Variants in RABGAP1L observed in about 807,000 individuals in gnomAD.
RABGAP1L encodes RAB GTPase activating protein 1 like.
A neutral mutation model predicts 137.7 loss-of-function variants in RABGAP1L; 63 were observed. The observed-to-expected ratio is 0.46, with a 90% confidence interval of 0.37 to 0.56. The LOEUF is 0.56. Among genes scored for constraint, RABGAP1L ranks in the 20% least tolerant of loss-of-function variants. The probability of loss-of-function intolerance (pLI) is 0.00; values close to 1 mark genes in which losing one functional copy is unlikely to be tolerated. For synonymous variants in RABGAP1L, 431 were observed against 433.7 expected (o/e 0.99, Z 0.08); for missense variants, 1,095 against 1,244.0 (o/e 0.88, Z 1.80).
intron 17 of RABGAP1L, among the ~76,000 whole-genome samples, chr1:174,748,593 G>A (rs1309484983): frequency 3.3e-5 from 5 of 152,082 alleles, no homozygotes; most frequent in Admixed American, 6.6e-5. Flanking sequence ...ATCCATGGCC[G>A]AGCACAGTGG....
intron 18 of RABGAP1L, among the ~76,000 whole-genome samples, chr1:174,765,640 C>T (rs990336717): frequency 6.6e-6 from 1 of 151,966 alleles, no homozygotes; most frequent in Non-Finnish European, 1.5e-5. Context: ...CTATGTTGCC[C>T]AGGCTGAGCT....
intron 17 of RABGAP1L, among the ~76,000 whole-genome samples, chr1:174,744,090 T>TAAAAAAAAAA (rs10694829): frequency 4.4e-5 from 2 of 45,132 alleles, no homozygotes; most frequent in South Asian, 1.3e-3. Context: ...GTGAAATACG[T>TAAAAAAAAAA]AAAAAAAAAA....
intron 17 of RABGAP1L, among the ~76,000 whole-genome samples, chr1:174,715,993 A>G (rs954673763): frequency 5.9e-5 from 9 of 152,262 alleles, no homozygotes; most frequent in African/African-American, 2.2e-4. Context: ...AGTTCCCTGT[A>G]TAAAATGGCA....
intron 17 of RABGAP1L, among the ~76,000 whole-genome samples, chr1:174,708,616 A>C (rs1218770488): frequency 1.3e-5 from 2 of 152,174 alleles, no homozygotes; most frequent in Non-Finnish European, 2.9e-5. Flanking sequence ...TCCAGCCCAG[A>C]TACTACACTT....
chr1:174,250,525 A>T lies in RABGAP1L; in HGVS notation c.768A>T (p.Arg256Ser), dbSNP rs779270087. 1.2e-6 allele frequency: 2 copies of T among 1,613,664 alleles called. No homozygotes were observed. The highest frequency in any genetic ancestry group is 2.2e-5 in the East Asian group (1 of 44,870). Residue 256 changes from arginine to serine, a missense_variant, in exon 6 of 26, where the codon AGA becomes AGT. Arg to Ser is a moderately radical substitution (Grantham distance 110). Around this residue, in one of 4 missense-constraint regions of RABGAP1L, gnomAD observed 356 missense variants for 326.3 expected, o/e 1.09. Transcript: ENST00000681986. ...GTACAGCATTCAAACGTTCTTCCAG[A>T]CAAGTGTCTGATGTTAAAGACTCAG... ...SFCTAFKRSS[R>S]QVSDVKDSVI...
At position 174,304,993 on chromosome 1, in the gene RABGAP1L, GA is replaced by G. The variant is rs1274572072; in HGVS notation, c.1335del (p.Gly446AlafsTer13). ...CTGTTATATTTTTCTCAGTCTGAGG[GA>G]AAAGGCCATACCAATGCTGGAGATG... ...TFFMRLKQSEGKGHTNAGDAI... is the reference protein window; with the variant it reads ...TFFMRLKQSEXKGHTNAGDAI... On this transcript the variant is annotated frameshift_variant, in exon 11 of 26. Coordinates refer to ENST00000681986, the MANE Select transcript of RABGAP1L (RefSeq NM_001366446.1). LOFTEE classifies it high-confidence loss of function. 12 of 1,546,856 alleles carry G rather than the reference GA, an allele frequency of 7.8e-6. No individual in the cohort carries two copies. Among genetic ancestry groups the G allele is most frequent in the South Asian group, 3.8e-5 (3 of 78,774 alleles).
intron 5 of RABGAP1L, among the ~76,000 whole-genome samples, chr1:174,247,655 G>T (rs564381705): frequency 6.6e-6 from 1 of 152,160 alleles, no homozygotes; most frequent in Non-Finnish European, 1.5e-5. Context: ...ATATCCTTGC[G>T]TGTGGAGAGC....
intron 19 of RABGAP1L, among the ~76,000 whole-genome samples, chr1:174,907,839 A>T (rs1659367949): frequency 6.6e-6 from 1 of 152,188 alleles, no homozygotes; most frequent in Non-Finnish European, 1.5e-5. Flanking sequence ...CTGAGTATAA[A>T]TGGTCTCAGT....
chr1:174,311,605 T>A (rs886198208), intron 11 of RABGAP1L, among the ~76,000 whole-genome samples: 2 of 152,122 alleles, frequency 1.3e-5, no homozygotes, highest in African/African-American at 4.8e-5. Flanking sequence ...AATGACTGGA[T>A]CTTTATTTTT....
At chr1:174,616,193 A>C (rs1478372116) in intron 13 of RABGAP1L, among the ~76,000 whole-genome samples, 1 of 152,210 alleles carries the variant, frequency 6.6e-6, no homozygotes, top group African/African-American at 2.4e-5. Flanking sequence ...AGCTGTAGAC[A>C]GAGCTGTTCC....
chr1:174,214,214 T>G (rs1215587909), intron 1 of RABGAP1L, among the ~76,000 whole-genome samples: 2 of 152,036 alleles, frequency 1.3e-5, no homozygotes, highest in African/African-American at 4.8e-5. Flanking sequence ...AATATGAAAT[T>G]GAAACCAAGA....
At chr1:174,731,219 G>A (rs1033752348) in intron 17 of RABGAP1L, among the ~76,000 whole-genome samples, 10 of 152,126 alleles carry the variant, frequency 6.6e-5, no homozygotes, top group African/African-American at 9.7e-5. Flanking sequence ...AGATCTACCC[G>A]CCTCGGCCTC....
chr1:174,841,325 A>G (rs1473862789), intron 19 of RABGAP1L, among the ~76,000 whole-genome samples: 2 of 152,166 alleles, frequency 1.3e-5, no homozygotes, highest in East Asian at 3.8e-4. Context: ...GAAAAAGAAT[A>G]TCATCACCTG....
At chr1:174,243,137 CA>C (rs1671969655) in intron 5 of RABGAP1L, 1 of 152,040 alleles carries the variant, frequency 6.6e-6, no homozygotes, top group Non-Finnish European at 1.5e-5. Flanking sequence ...AATGCTGCTG[CA>C]GAAGGATACT....
At chr1:174,490,795 C>T (rs1332572803) in intron 13 of RABGAP1L, among the ~76,000 whole-genome samples, 1 of 152,052 alleles carries the variant, frequency 6.6e-6, no homozygotes, top group African/African-American at 2.4e-5. Flanking sequence ...CACGGTTTTT[C>T]CCGTTCTTCC....
At chr1:174,566,946 T>G (rs967785435) in intron 13 of RABGAP1L, among the ~76,000 whole-genome samples, 4 of 152,180 alleles carry the variant, frequency 2.6e-5, no homozygotes, top group African/African-American at 9.7e-5. Context: ...CTATGAAGTA[T>G]GACTATAATG....
chr1:174,308,988 A>T (rs951901463), intron 11 of RABGAP1L, among the ~76,000 whole-genome samples: 33 of 151,946 alleles, frequency 2.2e-4, no homozygotes, highest in African/African-American at 7.7e-4. Flanking sequence ...AAACATATTA[A>T]TTCTTCCAAT....
intron 19 of RABGAP1L, among the ~76,000 whole-genome samples, chr1:174,855,657 C>G (rs1431691800): frequency 6.6e-6 from 1 of 152,134 alleles, no homozygotes; most frequent in Non-Finnish European, 1.5e-5. Flanking sequence ...CATTTTCTGC[C>G]CCTATTAAAC....
chr1:174,231,881 A>G (rs879708529), intron 4 of RABGAP1L, among the ~76,000 whole-genome samples: 18 of 152,300 alleles, frequency 1.2e-4, no homozygotes, highest in Middle Eastern at 3.4e-3. Flanking sequence ...CCATGATCCA[A>G]TCACCTTTCA....
Sources: gnomAD v4.1 joint callset for allele counts (sites outside exome capture counted in the v4.1 genomes callset) on GRCh38, gnomAD v4.1.1 for gene constraint, gnomAD v4.1.1 regional missense constraint, MANE v1.5 for transcripts, NCBI Gene and HGNC (gene_info 2026-07-23, HGNC 2026-07-21) for gene names.